Variants in SH3BP5 observed in about 807,000 individuals in gnomAD.
SH3BP5 encodes SH3 domain-binding protein 5.
Under a neutral mutation model 43.3 loss-of-function variants are expected in SH3BP5, and 22 were observed. The observed-to-expected ratio is 0.51, with a 90% CI of 0.36 to 0.73. The LOEUF is 0.73. Among genes scored for constraint, SH3BP5 ranks in the 30% least tolerant of loss-of-function variants. The probability of loss-of-function intolerance (pLI) is 0.00; values close to 1 mark genes in which losing one functional copy is unlikely to be tolerated. For missense variants in SH3BP5, 529 were observed against 586.9 expected, an observed-to-expected ratio of 0.90 and a Z score of 1.02; for synonymous variants, 255 against 225.8, an observed-to-expected ratio of 1.13 and a Z score of -1.16.
chr3:15,330,290 C>A (rs1297407841), intron 2 of SH3BP5, among the ~76,000 whole-genome samples: 1 of 152,206 alleles, frequency 6.6e-6, no homozygotes, highest in African/African-American at 2.4e-5. Context: ...CATGGAGCTT[C>A]CATAATGAAA....
Position 15,332,300 on chromosome 3 carries a change from C to G in SH3BP5, c.109G>C (p.Glu37Gln), listed in dbSNP as rs1698632877. The G allele has an allele frequency of 6.5e-7, 1 of 1,547,936 alleles. No individual in the cohort carries two copies. Among genetic ancestry groups the G allele is most frequent in the African/African-American group, 1.4e-5 (1 of 73,306 alleles). ...EEEGMEQGLE[E>Q]EEEVDPRIQG... ...ATCCGGGGATCCACCTCTTCTTCCTCCTCCAGCCCCTGCTCCATCCCCTCT... is the reference window on the plus strand; with the variant it reads ...ATCCGGGGATCCACCTCTTCTTCCTGCTCCAGCCCCTGCTCCATCCCCTCT... The change falls in exon 1 of 9, where the codon GAG becomes CAG. Residue 37 changes from glutamate to glutamine, a missense_variant. Glu to Gln is a conservative substitution (Grantham distance 29). This residue lies in a region of SH3BP5 where 75 missense variants were observed against 61.8 expected (regional missense o/e 1.21). Coordinates refer to ENST00000383791, the MANE Select transcript of SH3BP5 (RefSeq NM_004844.5).
intron 2 of SH3BP5, among the ~76,000 whole-genome samples, chr3:15,304,976 G>C (rs145216633): frequency 4.0e-5 from 6 of 151,464 alleles, no homozygotes; most frequent in African/African-American, 1.5e-4. Context: ...AAATTAGCCG[G>C]GCATAGTGGG....
intron 7 of SH3BP5, 56 bp downstream of exon 7, chr3:15,258,775 A>G: frequency 1.3e-6 from 2 of 1,495,330 alleles, no homozygotes. Context: ...GGACCTTGGG[A>G]AACAAATCAC....
chr3:15,303,028 G>A (rs778824664), intron 3 of SH3BP5, among the ~76,000 whole-genome samples: 3 of 152,038 alleles, frequency 2.0e-5, no homozygotes, highest in Non-Finnish European at 4.4e-5. Flanking sequence ...GGCTGGTCTC[G>A]AACTCCTGAC....
At chr3:15,283,743 C>G (rs1697190734) in intron 3 of SH3BP5, among the ~76,000 whole-genome samples, 1 of 152,192 alleles carries the variant, frequency 6.6e-6, no homozygotes, top group Admixed American at 6.5e-5. Context: ...CAGGATAGAG[C>G]ACTTTCAAGG....
intron 1 of SH3BP5, among the ~76,000 whole-genome samples, chr3:15,337,937 A>AAG (rs1575363575): frequency 6.6e-6 from 1 of 150,490 alleles, no homozygotes; most frequent in African/African-American, 2.4e-5. Flanking sequence ...AAAAAAAAAA[A>AAG]GTGCCCCAAA....
chr3:15,331,847 A>G (rs1698617755), intron 1 of SH3BP5: 1 of 171,230 alleles, frequency 5.8e-6, no homozygotes, highest in African/African-American at 2.4e-5. Flanking sequence ...GGCAACGCCC[A>G]CCCGCCCACG....
intron 1 of SH3BP5, among the ~76,000 whole-genome samples, chr3:15,340,483 A>G (rs76375738): frequency 1.3e-5 from 2 of 152,074 alleles, no homozygotes; most frequent in Non-Finnish European, 2.9e-5. Context: ...AAAAAGCAAC[A>G]TAGGCCGGCA....
chr3:15,274,072 C>A (rs980383986), intron 3 of SH3BP5, among the ~76,000 whole-genome samples: 1 of 151,926 alleles, frequency 6.6e-6, no homozygotes, highest in Non-Finnish European at 1.5e-5. Flanking sequence ...GGTGAAACAC[C>A]GTCTCTACTA....
intron 3 of SH3BP5, among the ~76,000 whole-genome samples, chr3:15,303,039 C>G (rs1187777026): frequency 6.6e-6 from 1 of 152,152 alleles, no homozygotes; most frequent in Non-Finnish European, 1.5e-5. Flanking sequence ...AACTCCTGAC[C>G]TCAAGTGATC....
At chr3:15,297,213 G>C (rs567241328) in intron 3 of SH3BP5, among the ~76,000 whole-genome samples, 2 of 152,146 alleles carry the variant, frequency 1.3e-5, no homozygotes, top group Non-Finnish European at 2.9e-5. Flanking sequence ...CAAAAGGTAA[G>C]TCAGCTACTC....
chr3:15,258,778 C>A, intron 7 of SH3BP5, 53 bp downstream of exon 7: 1 of 1,508,884 alleles, frequency 6.6e-7, no homozygotes, highest in Non-Finnish European at 9.2e-7. Flanking sequence ...CCTTGGGAAA[C>A]AAATCACACA....
At chr3:15,276,922 G>A (rs971125894) in intron 3 of SH3BP5, among the ~76,000 whole-genome samples, 5 of 151,958 alleles carry the variant, frequency 3.3e-5, no homozygotes, top group Admixed American at 6.6e-5. Context: ...AAAATAACCC[G>A]ACAGGCCTAA....
chr3:15,324,802 C>T (rs1229958907), intron 2 of SH3BP5, among the ~76,000 whole-genome samples: 2 of 148,668 alleles, frequency 1.3e-5, no homozygotes, highest in Admixed American at 6.8e-5. Flanking sequence ...ACTCTCACCT[C>T]CAAGTTTCTA....
chr3:15,262,940 A>G (rs1327295574), intron 4 of SH3BP5, among the ~76,000 whole-genome samples: 2 of 152,246 alleles, frequency 1.3e-5, no homozygotes, highest in Admixed American at 1.3e-4. Flanking sequence ...CCTGGGCAGC[A>G]CAGCAAGACT....
At chr3:15,323,849 T>C (rs1251633624) in intron 2 of SH3BP5, among the ~76,000 whole-genome samples, 2 of 152,252 alleles carry the variant, frequency 1.3e-5, no homozygotes, top group Non-Finnish European at 2.9e-5. Flanking sequence ...CCAGGCGGTC[T>C]GGCTCCAGAG....
At chr3:15,281,725 A>T (rs1290020498) in intron 3 of SH3BP5, among the ~76,000 whole-genome samples, 1 of 152,208 alleles carries the variant, frequency 6.6e-6, no homozygotes, top group Admixed American at 6.5e-5. Context: ...ATTTTGGGCC[A>T]GGTGCAGTGG....
intron 5 of SH3BP5, among the ~76,000 whole-genome samples, chr3:15,261,098 A>C (rs1031168168): frequency 6.6e-6 from 1 of 152,072 alleles, no homozygotes; most frequent in Admixed American, 6.5e-5. Context: ...TCCTACAACA[A>C]CCCTCGCCAC....
At chr3:15,299,596 C>T (rs968973507) in intron 3 of SH3BP5, among the ~76,000 whole-genome samples, 1 of 146,724 alleles carries the variant, frequency 6.8e-6, no homozygotes, top group African/African-American at 2.5e-5. Flanking sequence ...TGTGCTCAAG[C>T]AATCCTCCTG....
Sources: allele counts gnomAD v4.1 joint callset (sites outside exome capture counted in the v4.1 genomes callset), GRCh38; gene constraint gnomAD v4.1.1; regional missense constraint gnomAD v4.1.1; transcripts MANE v1.5; gene names NCBI Gene and HGNC (gene_info 2026-07-23, HGNC 2026-07-21).